The following SCARA5 variants were observed in gnomAD, a reference collection of about 807,000 sequenced individuals.
SCARA5 encodes the protein scavenger receptor class A, member 5 (putative).
A neutral mutation model predicts 46.3 loss-of-function variants in SCARA5; 45 were observed. The observed-to-expected ratio is 0.97, with a 90% CI of 0.76 to 1.24. The LOEUF is 1.24. SCARA5 is among the 50% of genes most tolerant of loss of function. The probability of loss-of-function intolerance (pLI) is 0.00; values close to 1 mark genes in which losing one functional copy is unlikely to be tolerated. For missense variants in SCARA5, 680 were observed against 689.0 expected, an observed-to-expected ratio of 0.99 and a Z score of 0.15; for synonymous variants, 333 against 306.5, an observed-to-expected ratio of 1.09 and a Z score of -0.90.
intron 3 of SCARA5, among the ~76,000 whole-genome samples, chr8:27,949,852 T>C (rs1468335203): frequency 6.6e-6 from 1 of 152,078 alleles, no homozygotes; most frequent in Admixed American, 6.5e-5. Context: ...CAGGTTGCAG[T>C]GGGGTGGGAC....
At chr8:27,928,801 G>A (rs1807722364) in intron 3 of SCARA5, among the ~76,000 whole-genome samples, 1 of 152,004 alleles carries the variant, frequency 6.6e-6, no homozygotes, top group African/African-American at 2.4e-5. Context: ...GAGTAGTTAG[G>A]ACTACAGGCA....
chr8:27,872,554 G>A (rs1404584083), intron 8 of SCARA5, among the ~76,000 whole-genome samples: 1 of 152,318 alleles, frequency 6.6e-6, no homozygotes, highest in East Asian at 1.9e-4. Flanking sequence ...GTGAATCCGG[G>A]GATGGAGGAG....
At chr8:27,972,691 C>T (rs1808465355) in intron 2 of SCARA5, among the ~76,000 whole-genome samples, 1 of 152,142 alleles carries the variant, frequency 6.6e-6, no homozygotes, top group South Asian at 2.1e-4. Context: ...TAATCTGACC[C>T]TATCTCTACA....
At chr8:27,892,289 C>A (rs1163589865) in intron 7 of SCARA5, among the ~76,000 whole-genome samples, 1 of 152,228 alleles carries the variant, frequency 6.6e-6, no homozygotes, top group East Asian at 1.9e-4. Context: ...CAAGGCCCAC[C>A]TGAACTATGG....
rs145164181 is a variant in SCARA5, at chr8:27,876,077, G to A, written c.1351+3492C>T. On this transcript the variant is annotated intron_variant, in intron 8 of 8. Transcript: ENST00000354914. Reference sequence around the variant, plus strand: ...GAGCTAGCCTGCAGGTGTGGTGGCCGTGAGGAGTGACTCCTGGAGGATTAG... The same window carrying A: ...GAGCTAGCCTGCAGGTGTGGTGGCCATGAGGAGTGACTCCTGGAGGATTAG... Among the ~76,000 whole-genome samples, 1,319 of 152,272 alleles carry A rather than the reference G, an allele frequency of 8.7e-3. 28 individuals are homozygous for A. The highest frequency in any genetic ancestry group is 0.03 in the African/African-American group (1,253 of 41,542).
intron 4 of SCARA5, among the ~76,000 whole-genome samples, chr8:27,918,239 C>T (rs1247988331): frequency 6.6e-6 from 1 of 152,206 alleles, no homozygotes; most frequent in African/African-American, 2.4e-5. Flanking sequence ...CAGGGACTTC[C>T]TCCCTGAGCC....
At chr8:27,962,228 A>G (rs1050634465) in intron 3 of SCARA5, among the ~76,000 whole-genome samples, 2 of 152,196 alleles carry the variant, frequency 1.3e-5, no homozygotes, top group African/African-American at 4.8e-5. Flanking sequence ...AAATTCACAT[A>G]TCCTCATACA....
intron 3 of SCARA5, among the ~76,000 whole-genome samples, chr8:27,951,317 G>A (rs1260487643): frequency 1.3e-5 from 2 of 152,206 alleles, no homozygotes; most frequent in Admixed American, 6.5e-5. Flanking sequence ...TGTGGGAGCC[G>A]GAGCTGTGGT....
chr8:27,894,733 C>A lies in SCARA5; in HGVS notation c.1153+10045G>T, dbSNP rs193027363. Among the ~76,000 whole-genome samples the A allele has an allele frequency of 2.2e-3, 340 of 152,310 alleles. 1 individual carries two copies. Among genetic ancestry groups the A allele is most frequent in the African/African-American group, 7.9e-3 (330 of 41,568 alleles). The stretch of plus-strand genomic sequence containing the variant: ...CATGTGCTCTCCACTAATGAGAAAT[C>A]CTGCACCATGATTCCCTCTTCCGTG... On this transcript the variant is annotated intron_variant, in intron 7 of 8. Coordinates refer to ENST00000354914, the MANE Select transcript of SCARA5 (RefSeq NM_173833.6).
intron 7 of SCARA5, among the ~76,000 whole-genome samples, chr8:27,896,898 C>A (rs1807072740): frequency 1.3e-5 from 2 of 152,080 alleles, no homozygotes; most frequent in African/African-American, 4.8e-5. Context: ...TCGAGACCAG[C>A]CTGACCAACA....
intron 2 of SCARA5, among the ~76,000 whole-genome samples, chr8:27,969,985 C>G (rs889350084): frequency 2.0e-5 from 3 of 152,152 alleles, no homozygotes; most frequent in African/African-American, 7.2e-5. Flanking sequence ...CTGCAATCAA[C>G]CCCCTTCCAC....
intron 2 of SCARA5, among the ~76,000 whole-genome samples, chr8:27,980,386 T>C (rs563753005): frequency 6.6e-6 from 1 of 152,252 alleles, no homozygotes; most frequent in Admixed American, 6.5e-5. Flanking sequence ...CTGTCCTCAC[T>C]GCGGGCCTCC....
intron 3 of SCARA5, among the ~76,000 whole-genome samples, chr8:27,958,270 G>C (rs1808236715): frequency 6.6e-6 from 1 of 152,200 alleles, no homozygotes; most frequent in South Asian, 2.1e-4. Context: ...GGAAACTCAG[G>C]GTGTCAACTG....
chr8:27,989,113 TTC>T (rs1491023718), intron 1 of SCARA5, among the ~76,000 whole-genome samples: 1 of 150,616 alleles, frequency 6.6e-6, no homozygotes, highest in Non-Finnish European at 1.5e-5. Context: ...CTTTTTTTTT[TTC>T]TGTTTCTTTC....
At chr8:27,916,364 T>C (rs775372361) in intron 4 of SCARA5, among the ~76,000 whole-genome samples, 1 of 152,172 alleles carries the variant, frequency 6.6e-6, no homozygotes, top group Non-Finnish European at 1.5e-5. Context: ...TACATGTGCA[T>C]GTGTGTGTAC....
At chr8:27,907,794 T>C (rs1807291799) in intron 5 of SCARA5, among the ~76,000 whole-genome samples, 2 of 152,234 alleles carry the variant, frequency 1.3e-5, no homozygotes, top group South Asian at 4.1e-4. Flanking sequence ...GGTCTCAAAC[T>C]CCTGTCCTCA....
In SCARA5 at chr8:27,905,523, T is replaced by TGGCGGTGGGG. The variant is rs751627046; in HGVS notation, c.1097-690_1097-689insCCCCACCGCC. ...AGAATGCCCAGGATGATCCAAGATT[T>TGGCGGTGGGG]GGGGGGGGGAAAAAAAAAAGGCAGC... On this transcript the variant is annotated intron_variant, in intron 6 of 8. Coordinates refer to ENST00000354914, the MANE Select transcript of SCARA5 (RefSeq NM_173833.6). Among the ~76,000 whole-genome samples, 21 of 53,638 alleles carry TGGCGGTGGGG rather than the reference T, an allele frequency of 3.9e-4. 4 individuals are homozygous for TGGCGGTGGGG. The highest frequency in any genetic ancestry group is 9.8e-4 in the Non-Finnish European group (19 of 19,486). The allele number at this position is 53,638 out of a possible 152,430, so 35.2% of individuals were successfully genotyped here.
At chr8:27,977,425 A>T (rs1314593547) in intron 2 of SCARA5, among the ~76,000 whole-genome samples, 1 of 151,426 alleles carries the variant, frequency 6.6e-6, no homozygotes, top group East Asian at 1.9e-4. Flanking sequence ...CTGCCACCGG[A>T]CTCCCAGCGG....
At chr8:27,976,872 A>G (rs1023239719) in intron 2 of SCARA5, among the ~76,000 whole-genome samples, 3 of 152,168 alleles carry the variant, frequency 2.0e-5, no homozygotes, top group African/African-American at 7.2e-5. Flanking sequence ...CCTCCCCACA[A>G]AACCTCACAG....
Sources: gnomAD v4.1 joint callset for allele counts (sites outside exome capture counted in the v4.1 genomes callset) on GRCh38, gnomAD v4.1.1 for gene constraint, MANE v1.5 for transcripts, NCBI Gene and HGNC (gene_info 2026-07-23, HGNC 2026-07-21) for gene names.